Variants in SYBU observed in about 807,000 individuals in gnomAD.
The protein encoded by SYBU is syntabulin.
In SYBU, 21 loss-of-function variants were observed where a neutral mutation model predicts 35.9. The observed-to-expected ratio is 0.58, with a 90% confidence interval of 0.41 to 0.84. The LOEUF is 0.84. Ranked by LOEUF, SYBU falls within the 40% of genes least tolerant of loss-of-function variation. SYBU has a pLI of 0.00. For missense variants in SYBU, 768 were observed against 848.2 expected (o/e 0.91, Z 1.17); for synonymous variants, 319 against 324.3 (o/e 0.98, Z 0.18).
At chr8:109,583,279 G>T (rs1176461077) in intron 4 of SYBU, among the ~76,000 whole-genome samples, 1 of 152,172 alleles carries the variant, frequency 6.6e-6, no homozygotes, top group Non-Finnish European at 1.5e-5. Flanking sequence ...CAAAACAGGA[G>T]ACTGAGGCTT....
Position 109,579,817 on chromosome 8 carries a change from T to A in SYBU, c.716A>T (p.Asp239Val). ...SSNSGSYKGS[D>V]CSPIMRRSGR... ...GACTCACCTCATGATGGGGCTACAG[T>A]CGCTTCCTTTGTAGGAGCCTGAGTT... is the stretch of plus-strand genomic sequence containing the variant. The change falls in exon 5 of 7, where the codon GAC becomes GTC. Residue 239 changes from aspartate to valine, a missense_variant. Transcript: ENST00000276646. The A allele has an allele frequency of 6.2e-7, 1 of 1,614,090 alleles. No homozygotes were observed.
Position 109,638,396 on chromosome 8 carries a change from ACAT to A in SYBU, c.229+4329_229+4331del, listed in dbSNP as rs1814469672. Among the ~76,000 whole-genome samples the A allele has an allele frequency of 1.3e-5, 2 of 152,214 alleles. 1 individual carries two copies. ...AGGGGGAGAAAAATGGATAGAGGCT[ACAT>A]TCAATGGGCCAAACCCAGAACACAA... On this transcript the variant is annotated intron_variant, in intron 2 of 6. Transcript: ENST00000276646.
upstream of SYBU, among the ~76,000 whole-genome samples, chr8:109,685,520 G>T (rs975836290): frequency 2.0e-5 from 3 of 152,266 alleles, no homozygotes; most frequent in Admixed American, 2.0e-4. Flanking sequence ...AATCAAACAG[G>T]TCCGGTCCCT....
chr8:109,646,687 T>G (rs576371237), upstream of SYBU: 1 of 152,326 alleles, frequency 6.6e-6, no homozygotes, highest in East Asian at 1.9e-4. Flanking sequence ...AGTTAATGGA[T>G]GCTTCTGAGT....
At chr8:109,634,116 G>A (rs181322372) in intron 2 of SYBU, among the ~76,000 whole-genome samples, 59 of 152,202 alleles carry the variant, frequency 3.9e-4, no homozygotes, top group Non-Finnish European at 7.8e-4. Context: ...AGAGAAGACA[G>A]CACTCCTCAC....
chr8:109,603,043 G>T (rs1563709971), intron 3 of SYBU, among the ~76,000 whole-genome samples: 1 of 152,178 alleles, frequency 6.6e-6, no homozygotes, highest in African/African-American at 2.4e-5. Context: ...GTTCCTGCAC[G>T]CCTGCCTTGG....
chr8:109,684,743 G>A (rs979614561), upstream of SYBU, among the ~76,000 whole-genome samples: 1 of 152,146 alleles, frequency 6.6e-6, no homozygotes, highest in African/African-American at 2.4e-5. Flanking sequence ...AGGGTAGAGG[G>A]TAGAGAGGAC....
intron 3 of SYBU, among the ~76,000 whole-genome samples, chr8:109,599,047 C>T (rs1004007323): frequency 6.6e-6 from 1 of 152,150 alleles, no homozygotes; most frequent in African/African-American, 2.4e-5. Flanking sequence ...GCCACCCTCA[C>T]CCCCCATCCC....
intron 1 of SYBU, among the ~76,000 whole-genome samples, chr8:109,687,351 T>C (rs1200905014): frequency 6.6e-6 from 1 of 152,182 alleles, no homozygotes; most frequent in Non-Finnish European, 1.5e-5. Context: ...GGTCAAGTCA[T>C]GTCACTAGCT....
Position 109,619,230 on chromosome 8 carries a change from CT to C in SYBU, c.230-192del, listed in dbSNP as rs142578497. Among the ~76,000 whole-genome samples, 1,326 of 144,878 alleles carry C rather than the reference CT, an allele frequency of 9.2e-3. 11 individuals are homozygous for C. The highest frequency in any genetic ancestry group is 0.024 in the African/African-American group (948 of 39,618). On this transcript the variant is annotated intron_variant, in intron 2 of 6. Transcript: ENST00000276646. Reference sequence around the variant, plus strand: ...ATTTTTCCATATTTTAATGCAAAACCTTTTTTTTTTTTTGAGACAGTCTCAC... The same window carrying C: ...ATTTTTCCATATTTTAATGCAAAACCTTTTTTTTTTTTGAGACAGTCTCAC...
At chr8:109,662,105 T>C (rs1816586000) in intron 1 of SYBU, among the ~76,000 whole-genome samples, 1 of 152,214 alleles carries the variant, frequency 6.6e-6, no homozygotes, top group South Asian at 2.1e-4. Flanking sequence ...ATTATTCCTT[T>C]AGGAAGTGAG....
chr8:109,670,072 G>C (rs1157358240), intron 1 of SYBU, among the ~76,000 whole-genome samples: 1 of 152,156 alleles, frequency 6.6e-6, no homozygotes, highest in Non-Finnish European at 1.5e-5. Context: ...GTTATTAGCT[G>C]TCAGTAATGG....
chr8:109,627,091 A>T (rs918464643), intron 2 of SYBU, among the ~76,000 whole-genome samples: 4 of 152,198 alleles, frequency 2.6e-5, no homozygotes, highest in Non-Finnish European at 4.4e-5. Flanking sequence ...TTTGTGCCAT[A>T]ATGTCTTGAA....
chr8:109,581,836 A>G (rs1465659309), intron 4 of SYBU, among the ~76,000 whole-genome samples: 3 of 152,126 alleles, frequency 2.0e-5, no homozygotes, highest in Non-Finnish European at 4.4e-5. Context: ...AACGTAACCA[A>G]GTTCTAAAGT....
At position 109,575,467 on chromosome 8, in the gene SYBU, C is replaced by T. The variant is rs773509419; in HGVS notation, c.1431G>A (p.Gln477=). The T allele has an allele frequency of 6.2e-6, 10 of 1,614,144 alleles. No homozygotes were observed. In the Middle Eastern group the frequency reaches 6.6e-4, roughly 107 times the overall value. The part of the protein sequence containing the change: ...VLELLPIVMG[Q]EEGSVVVERA... ...GCTCCACCACCACACTGCCCTCCTC[C>T]TGACCCATGACTATGGGCAGCAGCT... Residue 477 remains glutamine, a synonymous_variant, in exon 7 of 7, where the codon CAG becomes CAA. Coordinates refer to ENST00000276646, the MANE Select transcript of SYBU (RefSeq NM_001099754.2).
chr8:109,585,943 C>A, intron 4 of SYBU, 117 bp downstream of exon 4: 3 of 702,990 alleles, frequency 4.3e-6, no homozygotes, highest in East Asian at 2.8e-5. Flanking sequence ...AAACAAAAAG[C>A]CTCACTGAAT....
intron 1 of SYBU, among the ~76,000 whole-genome samples, chr8:109,677,162 T>C (rs2130776821): frequency 6.6e-6 from 1 of 152,120 alleles, no homozygotes; most frequent in East Asian, 1.9e-4. Flanking sequence ...TTTAAAGAAC[T>C]TGTGCCAATA....
chr8:109,669,716 T>C (rs1170207127), intron 1 of SYBU, among the ~76,000 whole-genome samples: 1 of 152,378 alleles, frequency 6.6e-6, no homozygotes, highest in East Asian at 1.9e-4. Flanking sequence ...GAGAAGAATG[T>C]GTTCATTGAT....
intron 3 of SYBU, among the ~76,000 whole-genome samples, chr8:109,615,051 T>C (rs1176779429): frequency 6.6e-6 from 1 of 152,158 alleles, no homozygotes; most frequent in Non-Finnish European, 1.5e-5. Context: ...CATTATTAGC[T>C]CTTTATCTTA....
Sources: gnomAD v4.1 joint callset for allele counts (sites outside exome capture counted in the v4.1 genomes callset) on GRCh38, gnomAD v4.1.1 for gene constraint, MANE v1.5 for transcripts, NCBI Gene and HGNC (gene_info 2026-07-23, HGNC 2026-07-21) for gene names.